SUCLG2: variants seen among roughly 807,000 people sequenced by gnomAD.
The protein encoded by SUCLG2 is succinate--CoA ligase [GDP-forming] subunit beta, mitochondrial.
SUCLG2 carries 42 observed loss-of-function variants against 47.9 expected under a neutral mutation model. The observed-to-expected ratio is 0.88, with a 90% CI of 0.69 to 1.14. SUCLG2 has a LOEUF of 1.14. Among genes scored for constraint, SUCLG2 ranks in the 50% most tolerant of loss-of-function variants. The pLI is 0.00. For missense variants in SUCLG2, 571 were observed against 525.9 expected (o/e 1.09, Z -0.84); for synonymous variants, 195 against 197.3 (o/e 0.99, Z 0.10).
At chr3:67,405,353 G>C (rs887937060) in intron 9 of SUCLG2, among the ~76,000 whole-genome samples, 7 of 152,162 alleles carry the variant, frequency 4.6e-5, no homozygotes, top group African/African-American at 1.7e-4. Context: ...AACAGCTACA[G>C]CCCTTGCTAT....
intron 1 of SUCLG2, among the ~76,000 whole-genome samples, chr3:67,636,804 C>CTTTTT (rs751775962): frequency 5.1e-4 from 74 of 144,454 alleles, no homozygotes; most frequent in African/African-American, 1.8e-3. Context: ...CTGGCAGTAT[C>CTTTTT]TTTTTTTTTT....
At chr3:67,652,371 C>T (rs550896625) in intron 1 of SUCLG2, among the ~76,000 whole-genome samples, 1 of 152,226 alleles carries the variant, frequency 6.6e-6, no homozygotes, top group African/African-American at 2.4e-5. Flanking sequence ...AGGTCTGGGC[C>T]AAGAGTGGCA....
chr3:67,632,977 TCA>T (rs903157575), intron 1 of SUCLG2, among the ~76,000 whole-genome samples: 1 of 152,218 alleles, frequency 6.6e-6, no homozygotes, highest in Non-Finnish European at 1.5e-5. Context: ...ATTTGATCTT[TCA>T]CAGATTTAGC....
In SUCLG2 at chr3:67,528,114, C is replaced by T. The variant is rs1397072265; in HGVS notation, c.417+18G>A. The T allele has an allele frequency of 6.2e-7, 1 of 1,605,902 alleles. No homozygotes were observed. The highest frequency in any genetic ancestry group is 8.5e-7 in the Non-Finnish European group (1 of 1,173,528). On this transcript the variant is annotated intron_variant, in intron 4 of 10. Transcript: ENST00000307227. ...TTTTAACACATATATAGAAAATGAC[C>T]CAAAGTATCCATATTACCTTGTTAA...
intron 7 of SUCLG2, among the ~76,000 whole-genome samples, chr3:67,498,823 T>G (rs1308637391): frequency 3.3e-5 from 5 of 152,224 alleles, no homozygotes; most frequent in African/African-American, 4.8e-5. Context: ...CGCTCGATTT[T>G]TATTTGATCC....
At chr3:67,438,419 T>C (rs1213022868) in intron 9 of SUCLG2, among the ~76,000 whole-genome samples, 2 of 149,992 alleles carry the variant, frequency 1.3e-5, no homozygotes, top group Non-Finnish European at 3.0e-5. Context: ...GAAAAACTCA[T>C]CCTCCCACCC....
intron 2 of SUCLG2, among the ~76,000 whole-genome samples, chr3:67,550,443 G>A (rs1390591653): frequency 6.6e-6 from 1 of 152,082 alleles, no homozygotes; most frequent in Non-Finnish European, 1.5e-5. Flanking sequence ...GGGTTCAAGT[G>A]ATCCTCCCTC....
At chr3:67,549,878 G>A (rs1706967084) in intron 2 of SUCLG2, among the ~76,000 whole-genome samples, 1 of 151,770 alleles carries the variant, frequency 6.6e-6, no homozygotes, top group Non-Finnish European at 1.5e-5. Context: ...CTGCAAATTT[G>A]CTACAAGGAA....
At chr3:67,524,828 A>G (rs180914724) in intron 4 of SUCLG2, among the ~76,000 whole-genome samples, 1 of 152,266 alleles carries the variant, frequency 6.6e-6, no homozygotes, top group East Asian at 1.9e-4. Flanking sequence ...TGAGTCTCCT[A>G]TGTTTTCTTT....
intron 10 of SUCLG2, chr3:67,376,412 GA>G: frequency 1.0e-6 from 1 of 985,412 alleles, no homozygotes; most frequent in Non-Finnish European, 1.2e-6. Flanking sequence ...GGTGGATCTG[GA>G]GTATCTTCTG....
chr3:67,408,872 T>A, intron 9 of SUCLG2: 1 of 1,462,910 alleles, frequency 6.8e-7, no homozygotes, highest in Non-Finnish European at 9.0e-7. Context: ...TACTGTAAAG[T>A]CCATGTTCGT....
chr3:67,533,965 A>T (rs1706470524), intron 2 of SUCLG2, among the ~76,000 whole-genome samples: 1 of 151,218 alleles, frequency 6.6e-6, no homozygotes, highest in Non-Finnish European at 1.5e-5. Context: ...AAACCATTTC[A>T]CCATTGGTCA....
intron 9 of SUCLG2, among the ~76,000 whole-genome samples, chr3:67,428,660 A>G (rs908984294): frequency 6.6e-6 from 1 of 152,326 alleles, no homozygotes; most frequent in East Asian, 1.9e-4. Flanking sequence ...TCCAAGCTAA[A>G]GGAGGACGTT....
chr3:67,385,208 G>A (rs1373892566), intron 10 of SUCLG2, among the ~76,000 whole-genome samples: 1 of 152,174 alleles, frequency 6.6e-6, no homozygotes, highest in Non-Finnish European at 1.5e-5. Flanking sequence ...TAGGATATGC[G>A]AGTCCTGGTA....
chr3:67,459,271 C>A (rs1269522959), intron 9 of SUCLG2, among the ~76,000 whole-genome samples: 4 of 152,154 alleles, frequency 2.6e-5, no homozygotes, highest in Non-Finnish European at 5.9e-5. Context: ...TCTTTGTATT[C>A]TGAAATAACA....
At chr3:67,482,715 AG>A (rs1704948941) in intron 9 of SUCLG2, among the ~76,000 whole-genome samples, 1 of 152,186 alleles carries the variant, frequency 6.6e-6, no homozygotes, top group African/African-American at 2.4e-5. Context: ...CCAAATGCCA[AG>A]ACTCTTGGAT....
intron 9 of SUCLG2, among the ~76,000 whole-genome samples, chr3:67,410,401 G>A (rs1011917018): frequency 6.6e-6 from 1 of 151,562 alleles, no homozygotes; most frequent in African/African-American, 2.4e-5. Flanking sequence ...ATCTGAAGAT[G>A]GAAATATTGA....
chr3:67,597,320 A>G (rs532981337), intron 2 of SUCLG2, among the ~76,000 whole-genome samples: 265 of 152,252 alleles, frequency 1.7e-3, no homozygotes, highest in Middle Eastern at 3.4e-3. Flanking sequence ...TCATGACCCA[A>G]TGACATTAGA....
At chr3:67,585,864 G>A (rs1033348871) in intron 2 of SUCLG2, among the ~76,000 whole-genome samples, 12 of 151,586 alleles carry the variant, frequency 7.9e-5, no homozygotes, top group Non-Finnish European at 1.8e-4. Context: ...CTACTTGGGA[G>A]GCTGAGGCAG....
Sources: gnomAD v4.1 joint callset for allele counts (sites outside exome capture counted in the v4.1 genomes callset) on GRCh38, gnomAD v4.1.1 for gene constraint, MANE v1.5 for transcripts, NCBI Gene and HGNC (gene_info 2026-07-23, HGNC 2026-07-21) for gene names.